The following ADAD1 variants were observed in gnomAD, a reference collection of about 807,000 sequenced individuals.
ADAD1 encodes adenosine deaminase domain containing 1.
In ADAD1, 46 loss-of-function variants were observed where a neutral mutation model predicts 66.8. The observed-to-expected ratio is 0.69, with a 90% CI of 0.54 to 0.88. The LOEUF (loss-of-function observed/expected upper bound fraction) is 0.88. Ranked by LOEUF, ADAD1 falls within the 40% of genes least tolerant of loss-of-function variation. The probability of loss-of-function intolerance (pLI) is 0.00; values close to 1 mark genes in which losing one functional copy is unlikely to be tolerated. For missense variants in ADAD1, 617 were observed against 681.8 expected (o/e 0.91, Z 1.06); for synonymous variants, 248 against 229.4 (o/e 1.08, Z -0.73).
rs1466533080 is a variant in ADAD1, at chr4:122,425,606, T to TA, written c.1618-4009dup. On this transcript the variant is annotated intron_variant, in intron 12 of 12. Coordinates refer to ENST00000296513, the MANE Select transcript of ADAD1 (RefSeq NM_139243.4). ...ATATTTGGGGGAAGAAAAGGAAAAG[T>TA]AAAAAAAAAAATACAAAAATAAAAA... Among the ~76,000 whole-genome samples, 232 of 141,780 alleles carry TA rather than the reference T, an allele frequency of 1.6e-3. 3 individuals carry two copies. Among genetic ancestry groups the TA allele is most frequent in the East Asian group, 0.013 (63 of 4,916 alleles). 93.0% of individuals were successfully genotyped at this position (141,780 alleles called of 152,430 possible). A position where few individuals can be genotyped will look rare whatever the true frequency, so the allele number is the denominator to read the frequency against.
chr4:122,407,783 A>ATTATTT (rs1363868830), intron 7 of ADAD1, 125 bp from the exon 8 acceptor site: 2 of 1,083,826 alleles, frequency 1.8e-6, no homozygotes. Context: ...AAATTGTGGA[A>ATTATTT]TTATTTTTTC....
intron 12 of ADAD1, among the ~76,000 whole-genome samples, chr4:122,426,492 T>C (rs896702040): frequency 2.0e-5 from 3 of 152,120 alleles, no homozygotes; most frequent in Admixed American, 6.5e-5. Context: ...AAGTCCAGTG[T>C]TACCCTGGTA....
At chr4:122,420,250 A>G (rs958113923) in intron 11 of ADAD1, among the ~76,000 whole-genome samples, 1 of 152,262 alleles carries the variant, frequency 6.6e-6, no homozygotes, top group Non-Finnish European at 1.5e-5. Context: ...TTAGTTGTTT[A>G]AAACAACTAT....
chr4:122,414,182 T>A (rs977767598), intron 10 of ADAD1, among the ~76,000 whole-genome samples: 1 of 147,666 alleles, frequency 6.8e-6, no homozygotes, highest in Non-Finnish European at 1.5e-5. Flanking sequence ...CATTAAAGCA[T>A]CTACGTAAAC....
chr4:122,420,711 T>C (rs1007107611), intron 11 of ADAD1, among the ~76,000 whole-genome samples: 11 of 152,228 alleles, frequency 7.2e-5, no homozygotes, highest in African/African-American at 2.7e-4. Flanking sequence ...AAAATGTTCA[T>C]GATCTAGGGA....
chr4:122,423,106 A>G (rs1003846301), intron 12 of ADAD1, among the ~76,000 whole-genome samples: 13 of 152,096 alleles, frequency 8.5e-5, no homozygotes, highest in African/African-American at 1.4e-4. Flanking sequence ...GCTGGTTTCA[A>G]TGCCAAGAAC....
intron 11 of ADAD1, among the ~76,000 whole-genome samples, chr4:122,417,793 A>G (rs907860137): frequency 3.9e-5 from 6 of 152,218 alleles, no homozygotes; most frequent in Non-Finnish European, 1.5e-5. Context: ...GAAAAGTAGA[A>G]GCAATGTAGA....
At chr4:122,383,119 A>G (rs566230786) in intron 4 of ADAD1, among the ~76,000 whole-genome samples, 9 of 152,270 alleles carry the variant, frequency 5.9e-5, no homozygotes, top group African/African-American at 2.2e-4. Context: ...ATTCTATTTC[A>G]TTTTTTATCC....
intron 5 of ADAD1, among the ~76,000 whole-genome samples, chr4:122,387,102 T>C (rs939294006): frequency 2.8e-5 from 4 of 145,262 alleles, no homozygotes; most frequent in Non-Finnish European, 4.5e-5. Context: ...AAAGTAGCAT[T>C]GAATCTATAA....
At chr4:122,400,442 C>T (rs1020268063) in intron 7 of ADAD1, among the ~76,000 whole-genome samples, 8 of 151,992 alleles carry the variant, frequency 5.3e-5, no homozygotes, top group African/African-American at 1.4e-4. Context: ...CTATGTTACT[C>T]AGGGATATTG....
rs1325584831 is a variant in ADAD1 at position 122,393,596 on chromosome 4, T to C, written c.537T>C (p.Pro179=). Residue 179 remains proline (P), a synonymous_variant, in exon 6 of 13, where the codon CCT becomes CCC. Coordinates refer to ENST00000296513, the MANE Select transcript of ADAD1 (RefSeq NM_139243.4). ...TTTTTGTTTTGTTTACAGGTCCTCC[T>C]CCTTTCCCTGCAGAACCTGTTGTTT... ...EPRILETSGP[P]PFPAEPVVLS... 1 of 1,596,698 alleles carries C rather than the reference T, an allele frequency of 6.3e-7. No individual in the cohort carries two copies. The highest frequency in any genetic ancestry group is 2.3e-5 in the East Asian group (1 of 43,998).
chr4:122,426,383 A>T (rs902202723), intron 12 of ADAD1, among the ~76,000 whole-genome samples: 4 of 152,178 alleles, frequency 2.6e-5, no homozygotes, highest in African/African-American at 9.6e-5. Context: ...ATATGACTTC[A>T]CTGGTGAATT....
rs1796289247 is a variant in ADAD1 at position 122,407,901 on chromosome 4, C to G, written c.725-7C>G. ...TTAACCTGCTACTGTCTACCTTTTT[C>G]TTTCAGCTGGACAACATGAGGTTGT... On this transcript the variant is annotated splice_region_variant and splice_polypyrimidine_tract_variant and intron_variant, in intron 7 of 12. Coordinates refer to ENST00000296513, the MANE Select transcript of ADAD1 (RefSeq NM_139243.4). 3.1e-6 allele frequency: 5 copies of G among 1,610,996 alleles called. No individual in the cohort carries two copies. The highest frequency in any genetic ancestry group is 4.2e-6 in the Non-Finnish European group (5 of 1,178,522).
At chr4:122,380,434 A>G (rs979839699) in intron 3 of ADAD1, 193 bp downstream of exon 3, 4 of 645,306 alleles carry the variant, frequency 6.2e-6, no homozygotes, top group Non-Finnish European at 1.0e-5. Flanking sequence ...CCGCTCGTTT[A>G]ACCATCTGTT....
At chr4:122,398,114 C>A (rs1354527911) in intron 7 of ADAD1, among the ~76,000 whole-genome samples, 1 of 152,092 alleles carries the variant, frequency 6.6e-6, no homozygotes, top group African/African-American at 2.4e-5. Context: ...ATGCTGTACC[C>A]AGTGTGTAGT....
chr4:122,418,180 G>T (rs1369477719), intron 11 of ADAD1, among the ~76,000 whole-genome samples: 3 of 151,610 alleles, frequency 2.0e-5, no homozygotes, highest in Non-Finnish European at 4.4e-5. Context: ...AAATTAAGAG[G>T]ATCATAAGCT....
At chr4:122,428,099 T>G (rs1797338427) in intron 12 of ADAD1, among the ~76,000 whole-genome samples, 1 of 152,180 alleles carries the variant, frequency 6.6e-6, no homozygotes, top group African/African-American at 2.4e-5. Context: ...CTTAGATCTT[T>G]ATGTCAGTCA....
At chr4:122,417,070 C>T (rs1039129224) in intron 11 of ADAD1, among the ~76,000 whole-genome samples, 5 of 152,294 alleles carry the variant, frequency 3.3e-5, no homozygotes, top group African/African-American at 1.2e-4. Flanking sequence ...TGCAGTGGCT[C>T]ACGCCTATAA....
At chr4:122,392,797 T>C (rs978558954) in intron 5 of ADAD1, among the ~76,000 whole-genome samples, 3 of 152,190 alleles carry the variant, frequency 2.0e-5, no homozygotes, top group Non-Finnish European at 4.4e-5. Context: ...GAATTTCTTA[T>C]CAGATAAAAA....
Sources: gnomAD v4.1 joint callset for allele counts (sites outside exome capture counted in the v4.1 genomes callset) on GRCh38, gnomAD v4.1.1 for gene constraint, MANE v1.5 for transcripts, NCBI Gene and HGNC (gene_info 2026-07-23, HGNC 2026-07-21) for gene names.